PSD3: variants seen among roughly 807,000 people sequenced by gnomAD.
PSD3 encodes the protein PH and SEC7 domain-containing protein 3.
A neutral mutation model predicts 105.5 loss-of-function variants in PSD3; 49 were observed. The ratio of observed to expected loss-of-function variants is 0.46; its 90% CI spans 0.37 to 0.59. The LOEUF (loss-of-function observed/expected upper bound fraction) is 0.59, where lower values mean the gene tolerates loss of function less well. PSD3 is among the 20% of genes least tolerant of loss of function. PSD3 has a pLI of 0.00. For synonymous variants in PSD3, 557 were observed against 457.8 expected (o/e 1.22, Z -2.77); for missense variants, 1,561 against 1,263.8 (o/e 1.24, Z -3.57).
chr8:18,630,554 A>G (rs1050551614), intron 11 of PSD3, among the ~76,000 whole-genome samples: 2 of 151,974 alleles, frequency 1.3e-5, no homozygotes, highest in African/African-American at 2.4e-5. Flanking sequence ...AGATGCTCAC[A>G]TGGGTTAACT....
chr8:18,570,829 T>A (rs924611734), intron 14 of PSD3, among the ~76,000 whole-genome samples: 1 of 141,102 alleles, frequency 7.1e-6, no homozygotes, highest in Non-Finnish European at 1.5e-5. Flanking sequence ...ATCACATTAC[T>A]GTCCTGCTTA....
At chr8:18,969,046 C>G (rs1002342798) in intron 1 of PSD3, among the ~76,000 whole-genome samples, 3 of 152,046 alleles carry the variant, frequency 2.0e-5, no homozygotes, top group African/African-American at 4.8e-5. Flanking sequence ...AGTATATAGC[C>G]TTCCAAAGTG....
chr8:18,697,112 G>T (rs1462236053), intron 9 of PSD3, among the ~76,000 whole-genome samples: 2 of 152,092 alleles, frequency 1.3e-5, no homozygotes, highest in Non-Finnish European at 2.9e-5. Context: ...ATTTCAACAT[G>T]TAATCAATAA....
chr8:18,924,263 G>A (rs752892795), intron 2 of PSD3, among the ~76,000 whole-genome samples: 8 of 152,128 alleles, frequency 5.3e-5, no homozygotes, highest in Non-Finnish European at 1.0e-4. Context: ...CAGAGGCTGT[G>A]GTACAGCTAA....
chr8:18,907,723 T>C (rs1819938653), intron 2 of PSD3, among the ~76,000 whole-genome samples: 12 of 152,184 alleles, frequency 7.9e-5, no homozygotes, highest in Admixed American at 7.9e-4. Flanking sequence ...GACCTATTTC[T>C]CAGAACATAT....
At chr8:18,695,865 A>C (rs1801226890) in intron 9 of PSD3, among the ~76,000 whole-genome samples, 1 of 152,226 alleles carries the variant, frequency 6.6e-6, no homozygotes, top group South Asian at 2.1e-4. Flanking sequence ...AAACAAGTCA[A>C]ATGGATAAAT....
intron 15 of PSD3, among the ~76,000 whole-genome samples, chr8:18,539,293 G>C (rs916942966): frequency 1.3e-5 from 2 of 152,214 alleles, no homozygotes; most frequent in African/African-American, 2.4e-5. Flanking sequence ...ATGCTCTGGA[G>C]AGCAAGGGCA....
At chr8:18,635,239 T>C (rs1354619657) in intron 10 of PSD3, among the ~76,000 whole-genome samples, 2 of 152,146 alleles carry the variant, frequency 1.3e-5, no homozygotes, top group Non-Finnish European at 2.9e-5. Context: ...ATTTTCCTTG[T>C]CCTGGCCCTG....
At chr8:18,841,942 C>A (rs1814659486) in intron 4 of PSD3, among the ~76,000 whole-genome samples, 2 of 152,114 alleles carry the variant, frequency 1.3e-5, no homozygotes, top group South Asian at 2.1e-4. Context: ...TACTTCAGAC[C>A]AGTGGAGAGG....
intron 12 of PSD3, among the ~76,000 whole-genome samples, chr8:18,579,380 A>G (rs1312946327): frequency 2.0e-5 from 3 of 152,140 alleles, no homozygotes; most frequent in Non-Finnish European, 4.4e-5. Context: ...CAATCAAGAA[A>G]TTTTCTGTAA....
chr8:18,957,535 C>T (rs143308469), intron 1 of PSD3, among the ~76,000 whole-genome samples: 1 of 152,166 alleles, frequency 6.6e-6, no homozygotes, highest in African/African-American at 2.4e-5. Context: ...TCCCTCCAGT[C>T]ACTAGCATTG....
chr8:18,731,087 C>G (rs1803711605), intron 9 of PSD3, among the ~76,000 whole-genome samples: 1 of 135,330 alleles, frequency 7.4e-6, no homozygotes, highest in African/African-American at 2.7e-5. Context: ...AAAACCCTGT[C>G]TCTAATAAAA....
At chr8:18,589,568 A>G (rs1293142436) in intron 12 of PSD3, among the ~76,000 whole-genome samples, 1 of 152,204 alleles carries the variant, frequency 6.6e-6, no homozygotes, top group Non-Finnish European at 1.5e-5. Flanking sequence ...CAGTTCAGAT[A>G]AAAAATAAAA....
At chr8:18,660,917 T>G (rs1287444252) in intron 9 of PSD3, among the ~76,000 whole-genome samples, 1 of 152,186 alleles carries the variant, frequency 6.6e-6, no homozygotes, top group Non-Finnish European at 1.5e-5. Context: ...TTGCTTAAAT[T>G]ACAGAGGTAA....
At chr8:18,594,148 T>TAATATATATTATTATATACATATTATAC (rs1803836288) in intron 12 of PSD3, among the ~76,000 whole-genome samples, 1 of 65,564 alleles carries the variant, frequency 1.5e-5, no homozygotes, top group South Asian at 3.9e-4. Context: ...ATATATTATA[T>TAATATATATTATTATATACATATTATAC]AATATATATT....
intron 1 of PSD3, among the ~76,000 whole-genome samples, chr8:19,026,355 C>G (rs898221168): frequency 2.6e-5 from 4 of 152,094 alleles, no homozygotes; most frequent in African/African-American, 9.7e-5. Context: ...TAAAAGCAAT[C>G]TTTATCTCCA....
rs185329958 is a variant in PSD3, at chr8:18,801,978, G to C, written c.1911-596C>G. Among the ~76,000 whole-genome samples, 4 of 151,944 alleles carry C rather than the reference G, an allele frequency of 2.6e-5. No individual in the cohort carries two copies. The East Asian group carries it at 7.7e-4, about 29-fold the overall frequency. On this transcript the variant is annotated intron_variant, in intron 6 of 15. Coordinates refer to ENST00000327040, the MANE Select transcript of PSD3 (RefSeq NM_015310.4). ...AAAGGTCAGATTTAAAAAAAACAAA[G>C]ACCGCTTAAGACTCAATACATCATC...
At chr8:18,783,258 G>A (rs1483479364) in intron 8 of PSD3, among the ~76,000 whole-genome samples, 3 of 152,108 alleles carry the variant, frequency 2.0e-5, no homozygotes, top group Admixed American at 6.6e-5. Flanking sequence ...AGGTTATCTA[G>A]CTGTTGACAA....
chr8:18,853,640 T>G (rs1459299714), intron 4 of PSD3, among the ~76,000 whole-genome samples: 1 of 152,170 alleles, frequency 6.6e-6, no homozygotes, highest in Admixed American at 6.5e-5. Flanking sequence ...CTTTCCATAC[T>G]AACAGCACAG....
Sources: allele counts gnomAD v4.1 joint callset (sites outside exome capture counted in the v4.1 genomes callset), GRCh38; gene constraint gnomAD v4.1.1; transcripts MANE v1.5; gene names NCBI Gene and HGNC (gene_info 2026-07-23, HGNC 2026-07-21).